Variants in MCAT observed in about 807,000 individuals in gnomAD.
The protein encoded by MCAT is malonyl-CoA-acyl carrier protein transacylase, mitochondrial.
A neutral mutation model predicts 22.9 loss-of-function variants in MCAT; 22 were observed. The ratio of observed to expected loss-of-function variants is 0.96; its 90% CI spans 0.69 to 1.37. The LOEUF is 1.37. MCAT is among the 40% of genes most tolerant of loss of function. The probability of loss-of-function intolerance (pLI) is 0.00; values close to 1 mark genes in which losing one functional copy is unlikely to be tolerated. For missense variants in MCAT, 534 were observed against 533.6 expected, an observed-to-expected ratio of 1.00 and a Z score of -0.01; for synonymous variants, 240 against 233.9, an observed-to-expected ratio of 1.03 and a Z score of -0.24.
intron 3 of MCAT, among the ~76,000 whole-genome samples, chr22:43,135,148 C>A (rs5751438): frequency 6.6e-6 from 1 of 152,258 alleles, no homozygotes; most frequent in South Asian, 2.1e-4. Context: ...TGGAAAGGGG[C>A]TTCCCCCCTG....
intron 1 of MCAT, among the ~76,000 whole-genome samples, chr22:43,142,212 T>G (rs1930788216): frequency 6.6e-6 from 1 of 152,220 alleles, no homozygotes; most frequent in Non-Finnish European, 1.5e-5. Context: ...TCAAGTGAAG[T>G]GACATTCTCA....
chr22:43,133,098 T>C lies in MCAT; in HGVS notation c.1118A>G (p.Asp373Gly), dbSNP rs1430056236. 6.2e-7 allele frequency: 1 copy of C among 1,614,022 alleles called. No homozygotes were observed. Among genetic ancestry groups the C allele is most frequent in the Non-Finnish European group, 8.5e-7 (1 of 1,180,024 alleles). ...CACATGTTCGAGGGTCTGCAGCACA[T>C]CCACGGCGCTGTAGGACTTCCAGGC... ...MQAWKSYSAV[D>G]VLQTLEHVDL... The change falls in exon 4 of 4, where the codon GAT becomes GGT. Residue 373 changes from aspartate to glycine, a missense_variant. Coordinates refer to ENST00000290429, the MANE Select transcript of MCAT (RefSeq NM_173467.5).
Position 43,132,971 on chromosome 22 carries a change from G to T in MCAT, c.*72C>A. ...AGAGGAGGAGCCATTAGGAAGGTAG[G>T]GGGCGACAGGCACAGCCTACAGCCT... On this transcript the variant is annotated 3_prime_UTR_variant, in exon 4 of 4. Coordinates refer to ENST00000290429, the MANE Select transcript of MCAT (RefSeq NM_173467.5). 7.0e-7 allele frequency: 1 copy of T among 1,427,072 alleles called. No homozygotes were observed. The allele number at this position is 1,427,072 out of a possible 1,614,324, so 88.4% of individuals were successfully genotyped here. A position where few individuals can be genotyped will look rare whatever the true frequency, so the allele number is the denominator to read the frequency against.
At chr22:43,137,416 G>C (rs2072853) in intron 2 of MCAT, 118 bp from the exon 3 acceptor site, 10 of 758,896 alleles carry the variant, frequency 1.3e-5, no homozygotes, top group Non-Finnish European at 1.9e-5. Context: ...ACTGGTGTCT[G>C]CCACCAGCCA....
At chr22:43,137,399 CA>C in intron 2 of MCAT, 101 bp from the exon 3 acceptor site, 1 of 926,680 alleles carries the variant, frequency 1.1e-6, no homozygotes, top group Admixed American at 2.4e-5. Flanking sequence ...GCACTAGAGA[CA>C]GGGGCACTGG....
intron 3 of MCAT, among the ~76,000 whole-genome samples, chr22:43,133,736 T>C (rs1930523741): frequency 6.6e-6 from 1 of 151,572 alleles, no homozygotes; most frequent in South Asian, 2.1e-4. Flanking sequence ...GAGCAAACCC[T>C]ACAAGGCATG....
intron 3 of MCAT, 119 bp downstream of exon 3, chr22:43,136,962 A>T: frequency 1.2e-6 from 1 of 845,208 alleles, no homozygotes; most frequent in Non-Finnish European, 2.0e-6. Context: ...GCCCCAAAAT[A>T]CTTCCTAAAG....
At chr22:43,137,020 G>C (rs2147034177) in intron 3 of MCAT, 61 bp downstream of exon 3, 1 of 1,421,950 alleles carries the variant, frequency 7.0e-7, no homozygotes. Context: ...TCACGGGTGT[G>C]GAGCAGTTCC....
chr22:43,141,221 CCAGCAG>C lies in MCAT; in HGVS notation c.446_451del (p.Ala149_Ala150del), dbSNP rs747646716. 1.1e-5 allele frequency: 18 copies of C among 1,614,036 alleles called. No homozygotes were observed. The highest frequency in any genetic ancestry group is 1.3e-5 in the African/African-American group (1 of 74,956). ...GGCTGCAAACTCTCCCACACTGAAT[CCAGCAG>C]CAGCAACACAGTTCTCAATCACCTG... On this transcript the variant is annotated inframe_deletion, in exon 2 of 4. Coordinates refer to ENST00000290429, the MANE Select transcript of MCAT (RefSeq NM_173467.5).
At chr22:43,139,694 C>G (rs1216944627) in intron 2 of MCAT, among the ~76,000 whole-genome samples, 4 of 151,118 alleles carry the variant, frequency 2.6e-5, no homozygotes, top group African/African-American at 9.7e-5. Context: ...TCTTGTGCCT[C>G]AGCCTCCCAA....
intron 3 of MCAT, among the ~76,000 whole-genome samples, chr22:43,136,312 T>A (rs867847793): frequency 6.6e-6 from 1 of 152,206 alleles, no homozygotes; most frequent in African/African-American, 2.4e-5. Flanking sequence ...GGACATGAAG[T>A]AAGACAGAAA....
rs777075641 is a variant in MCAT at position 43,142,966 on chromosome 22, G to A, written c.383C>T (p.Ser128Leu). ...ATGTAGTTTCTCGACAGCGGCCAGC[G>A]ATGCCACGAAGATCGCGGGCTGACA... ...VHCQPAIFVA[S>L]LAAVEKLHHL... is the part of the protein sequence containing the mutation. The change falls in exon 1 of 4, where the codon TCG becomes TTG. Residue 128 changes from serine to leucine, a missense_variant. Physicochemically the swap from Ser to Leu is moderately radical, Grantham distance 145. Transcript: ENST00000290429. 6.3e-7 allele frequency: 1 copy of A among 1,595,578 alleles called. No individual in the cohort carries two copies. The highest frequency in any genetic ancestry group is 2.3e-5 in the East Asian group (1 of 43,386).
Position 43,143,194 on chromosome 22 carries a change from GC to G in MCAT, c.154del (p.Ala52ArgfsTer54). ...GCCCGGCATTCGCCGCTCCGTCGCC[GC>G]CCAGGGCGCCTCCTCCTCCGCCCCG... is the stretch of plus-strand genomic sequence containing the variant. ...ATGAEEEAPW[A>X]ATERRMPGQC... is the part of the protein sequence containing the mutation. On this transcript the variant is annotated frameshift_variant, in exon 1 of 4. Transcript: ENST00000290429. LOFTEE classifies it high-confidence loss of function. 6.5e-7 allele frequency: 1 copy of G among 1,540,914 alleles called. No homozygotes were observed.
Position 43,132,920 on chromosome 22 carries a change from T to G in MCAT, c.*123A>C. On this transcript the variant is annotated 3_prime_UTR_variant, in exon 4 of 4. Transcript: ENST00000290429. Reference sequence around the variant, plus strand: ...CTTTTTATGTGGCCTTCAAAGCACGTTGCAAACAAATCCCTTTCACTCCTC... The same window carrying G: ...CTTTTTATGTGGCCTTCAAAGCACGGTGCAAACAAATCCCTTTCACTCCTC... 1.2e-6 allele frequency: 1 copy of G among 858,708 alleles called. No homozygotes were observed. Among genetic ancestry groups the G allele is most frequent in the Non-Finnish European group, 1.8e-6 (1 of 549,116 alleles). The allele number at this position is 858,708 out of a possible 1,614,324, so 53.2% of individuals were successfully genotyped here. A position where few individuals can be genotyped will look rare whatever the true frequency, so the allele number is the denominator to read the frequency against.
chr22:43,140,257 A>T (rs1249768225), intron 2 of MCAT, among the ~76,000 whole-genome samples: 3 of 152,180 alleles, frequency 2.0e-5, no homozygotes, highest in Non-Finnish European at 4.4e-5. Context: ...GGCTCACTGC[A>T]GCCTCAGACT....
rs1276699774 is a variant in MCAT at position 43,140,770 on chromosome 22, C to T, written c.511+392G>A. The T allele has an allele frequency of 2.8e-5, 5 of 177,978 alleles. No homozygotes were observed. The South Asian group carries it at 5.2e-4, about 18-fold the overall frequency. The allele number at this position is 177,978 out of a possible 1,614,324, so 11.0% of individuals were successfully genotyped here. A position where few individuals can be genotyped will look rare whatever the true frequency, so the allele number is the denominator to read the frequency against. The stretch of plus-strand genomic sequence containing the variant: ...CCTCCCAAAGCACTGGGATTACAGA[C>T]GTAAGCCATGGTTCCTGGCCAGCAA... On this transcript the variant is annotated intron_variant, in intron 2 of 3. Transcript: ENST00000290429.
At position 43,138,854 on chromosome 22, in the gene MCAT, C is replaced by A. The variant is rs556315713; in HGVS notation, c.512-1556G>T. ...CCAGACTGAGAAGAGATTAAGGGAC[C>A]TGCACAGTGTTTCACAGGTCAACAG... On this transcript the variant is annotated intron_variant, in intron 2 of 3. Transcript: ENST00000290429. 3.3e-5 allele frequency among the ~76,000 whole-genome samples: 5 copies of A among 152,314 alleles called. No individual in the cohort carries two copies. In the South Asian group the frequency reaches 8.3e-4, roughly 25 times the overall value.
chr22:43,139,590 T>TTA (rs1367757917), intron 2 of MCAT, among the ~76,000 whole-genome samples: 2 of 151,558 alleles, frequency 1.3e-5, no homozygotes, highest in Non-Finnish European at 2.9e-5. Flanking sequence ...CTTTTTTTTT[T>TTA]TTTTTTGACA....
chr22:43,132,919 G>T lies in MCAT; in HGVS notation c.*124C>A. 1.2e-6 allele frequency: 1 copy of T among 847,946 alleles called. No individual in the cohort carries two copies. Among genetic ancestry groups the T allele is most frequent in the South Asian group, 1.7e-5 (1 of 59,550 alleles). 52.5% of individuals were successfully genotyped at this position (847,946 alleles called of 1,614,324 possible). A position where few individuals can be genotyped will look rare whatever the true frequency, so the allele number is the denominator to read the frequency against. On this transcript the variant is annotated 3_prime_UTR_variant, in exon 4 of 4. Coordinates refer to ENST00000290429, the MANE Select transcript of MCAT (RefSeq NM_173467.5). Reference sequence around the variant, plus strand: ...GCTTTTTATGTGGCCTTCAAAGCACGTTGCAAACAAATCCCTTTCACTCCT... The same window carrying T: ...GCTTTTTATGTGGCCTTCAAAGCACTTTGCAAACAAATCCCTTTCACTCCT...
Sources: gnomAD v4.1 joint callset for allele counts (sites outside exome capture counted in the v4.1 genomes callset) on GRCh38, gnomAD v4.1.1 for gene constraint, MANE v1.5 for transcripts, NCBI Gene and HGNC (gene_info 2026-07-23, HGNC 2026-07-21) for gene names.